NEDD9: variants seen among roughly 807,000 people sequenced by gnomAD.
NEDD9 encodes the protein enhancer of filamentation 1.
A neutral mutation model predicts 76.6 loss-of-function variants in NEDD9; 26 were observed. That is an observed-to-expected ratio of 0.34 (90% CI 0.25 to 0.47). The LOEUF is 0.47. NEDD9 is among the 20% of genes least tolerant of loss of function. The pLI is 1.00. For synonymous variants in NEDD9, 392 were observed against 414.2 expected (o/e 0.95, Z 0.65); for missense variants, 937 against 1,058.5 (o/e 0.89, Z 1.59).
intron 3 of NEDD9, among the ~76,000 whole-genome samples, chr6:11,259,319 GGGCAGCAA>G (rs1760061190): frequency 6.6e-5 from 10 of 152,184 alleles, no homozygotes; most frequent in Admixed American, 6.5e-4. Context: ...ACCTGGAAGG[GGGCAGCAA>G]GGGCTAATCT....
chr6:11,302,570 T>G (rs1007371787), intron 3 of NEDD9, among the ~76,000 whole-genome samples: 1 of 152,078 alleles, frequency 6.6e-6, no homozygotes, highest in Non-Finnish European at 1.5e-5. Flanking sequence ...CAAAAAAAGA[T>G]AATTTTAGGC....
intron 3 of NEDD9, among the ~76,000 whole-genome samples, chr6:11,254,820 C>T (rs1306478348): frequency 9.2e-5 from 14 of 152,150 alleles, no homozygotes; most frequent in Non-Finnish European, 1.0e-4. Flanking sequence ...TCTTAGAAGT[C>T]GGAGTGGGTG....
chr6:11,192,376 T>C lies in NEDD9; in HGVS notation c.632A>G (p.Gln211Arg). 1 of 1,593,708 alleles carries C rather than the reference T, an allele frequency of 6.3e-7. No individual in the cohort carries two copies. Among genetic ancestry groups the C allele is most frequent in the Non-Finnish European group, 8.5e-7 (1 of 1,169,902 alleles). Residue 211 changes from glutamine to arginine, a missense_variant, in exon 4 of 7, where the codon CAA (glutamine) becomes CGA (arginine). Physicochemically the swap from Gln to Arg is conservative, Grantham distance 43. Coordinates refer to ENST00000379446, the MANE Select transcript of NEDD9 (RefSeq NM_006403.4). ...TGTAGGCGGGATGTCATACACCCCT[T>C]GAGGTTTTATCTCTCCCACTGGAAC... ...FSVPVGEIKP[Q>R]GVYDIPPTKG...
chr6:11,242,274 T>C (rs1325119370), intron 3 of NEDD9, among the ~76,000 whole-genome samples: 1 of 152,184 alleles, frequency 6.6e-6, no homozygotes, highest in Non-Finnish European at 1.5e-5. Context: ...ACCCCTGAGC[T>C]TTACAGGCAC....
At chr6:11,256,208 TG>T (rs949080402) in intron 3 of NEDD9, among the ~76,000 whole-genome samples, 2 of 152,208 alleles carry the variant, frequency 1.3e-5, no homozygotes, top group Non-Finnish European at 2.9e-5. Flanking sequence ...CCACCTGCCT[TG>T]GTGCTTCAGA....
intron 2 of NEDD9, among the ~76,000 whole-genome samples, chr6:11,315,852 G>C (rs1219177927): frequency 6.6e-6 from 1 of 152,196 alleles, no homozygotes; most frequent in East Asian, 1.9e-4. Context: ...AATAATTCAT[G>C]CTTTAACATG....
chr6:11,299,215 C>T (rs1202881141), intron 3 of NEDD9, among the ~76,000 whole-genome samples: 1 of 152,226 alleles, frequency 6.6e-6, no homozygotes, highest in African/African-American at 2.4e-5. Flanking sequence ...GGGTCCCACG[C>T]CCACAGAGCC....
chr6:11,292,162 A>G (rs575918969), intron 3 of NEDD9, among the ~76,000 whole-genome samples: 2 of 152,340 alleles, frequency 1.3e-5, no homozygotes, highest in Middle Eastern at 3.4e-3. Context: ...GAAACCCCCA[A>G]AGCTTTATAT....
At chr6:11,335,745 A>G (rs1178183372) in intron 1 of NEDD9, among the ~76,000 whole-genome samples, 36 of 152,240 alleles carry the variant, frequency 2.4e-4, no homozygotes. Flanking sequence ...AAATGTGTTG[A>G]TAGTAATTGT....
chr6:11,314,492 G>A (rs1183548157), intron 2 of NEDD9, among the ~76,000 whole-genome samples: 2 of 152,118 alleles, frequency 1.3e-5, no homozygotes, highest in East Asian at 3.9e-4. Flanking sequence ...CTGCCTGTAG[G>A]GTGTTTCTCT....
chr6:11,190,750 T>C lies in NEDD9; in HGVS notation c.1119A>G (p.Thr373=), dbSNP rs752158963. Residue 373 remains threonine, a synonymous_variant, in exon 5 of 7, where the codon ACA becomes ACG. Coordinates refer to ENST00000379446, the MANE Select transcript of NEDD9 (RefSeq NM_006403.4). This position sits in a 1 kb window ranked among gnomAD's most constrained non-coding sequence, Gnocchi z 5.8. ...DGINRLSFSS[T]GSTRSNMSTS... ...TGGACATGTTACTCCGGGTGCTGCC[T>C]GTACTGGAGAAAGACAATCGGTTGA... 1.2e-6 allele frequency: 2 copies of C among 1,614,174 alleles called. No homozygotes were observed. Among genetic ancestry groups the C allele is most frequent in the Admixed American group, 3.3e-5 (2 of 60,022 alleles).
chr6:11,306,964 A>G (rs1761203231), intron 2 of NEDD9, among the ~76,000 whole-genome samples: 1 of 152,150 alleles, frequency 6.6e-6, no homozygotes, highest in Non-Finnish European at 1.5e-5. Flanking sequence ...ATGTGTATGT[A>G]TTTGTAGGCT....
At chr6:11,256,352 A>G (rs528283913) in intron 3 of NEDD9, among the ~76,000 whole-genome samples, 2 of 152,286 alleles carry the variant, frequency 1.3e-5, no homozygotes, top group South Asian at 2.1e-4. Flanking sequence ...TATTTCTGTA[A>G]TATTTGGCAA....
At position 11,252,682 on chromosome 6, in the gene NEDD9, G is replaced by T. The variant is rs1173536473; in HGVS notation, c.13-38955C>A. On this transcript the variant is annotated intron_variant, in intron 3 of 3. Coordinates refer to the NEDD9 transcript ENST00000397378. This position sits in a 1 kb window ranked among gnomAD's most constrained non-coding sequence, Gnocchi z 4.3. Reference sequence around the variant, plus strand: ...TATTATCCTAATCAAAGTTGAAAATGACAAATAGAGGACAGAAATGAATTC... The same window carrying T: ...TATTATCCTAATCAAAGTTGAAAATTACAAATAGAGGACAGAAATGAATTC... Among the ~76,000 whole-genome samples the T allele has an allele frequency of 6.7e-6, 1 of 149,398 alleles. No homozygotes were observed. The highest frequency in any genetic ancestry group is 1.5e-5 in the Non-Finnish European group (1 of 67,526).
chr6:11,298,339 A>T (rs1760953721), intron 3 of NEDD9, among the ~76,000 whole-genome samples: 2 of 152,188 alleles, frequency 1.3e-5, no homozygotes, highest in African/African-American at 4.8e-5. Context: ...AAGTTTAATA[A>T]TGGGGGAAAA....
chr6:11,224,115 G>C (rs1051324347), intron 1 of NEDD9, among the ~76,000 whole-genome samples: 1 of 152,180 alleles, frequency 6.6e-6, no homozygotes, highest in Non-Finnish European at 1.5e-5. Flanking sequence ...CAACAACAAA[G>C]GATGGGAATG....
Position 11,185,152 on chromosome 6 carries a change from T to A in NEDD9, c.*10A>T, listed in dbSNP as rs746133055. On this transcript the variant is annotated 3_prime_UTR_variant, in exon 7 of 7. Transcript: ENST00000379446. ...CCGTTAACGCAGTCCCCTTCCTCTT[T>A]TTTTTCTTCTCAGAACGTTGCCATC... 1 of 1,601,740 alleles carries A rather than the reference T, an allele frequency of 6.2e-7. No homozygotes were observed. The highest frequency in any genetic ancestry group is 1.7e-5 in the Admixed American group (1 of 59,174).
chr6:11,285,142 C>A (rs1470756080), intron 3 of NEDD9, among the ~76,000 whole-genome samples: 1 of 152,050 alleles, frequency 6.6e-6, no homozygotes, highest in Non-Finnish European at 1.5e-5. Context: ...TTTTATAGTC[C>A]CTGCATTGTG....
At chr6:11,357,211 C>T (rs1762593736) in intron 1 of NEDD9, among the ~76,000 whole-genome samples, 1 of 152,170 alleles carries the variant, frequency 6.6e-6, no homozygotes, top group Admixed American at 6.5e-5. Context: ...TCTGGCTGCT[C>T]TAACCCTTTA....
Sources: allele counts gnomAD v4.1 joint callset (sites outside exome capture counted in the v4.1 genomes callset), GRCh38; gene constraint gnomAD v4.1.1; non-coding constraint Gnocchi (gnomAD v3.1); transcripts MANE v1.5; gene names NCBI Gene and HGNC (gene_info 2026-07-23, HGNC 2026-07-21).